GRID2: variants seen among roughly 807,000 people sequenced by gnomAD.
The protein encoded by GRID2 is glutamate ionotropic receptor delta type subunit 2.
GRID2 carries 33 observed loss-of-function variants against 114.8 expected under a neutral mutation model. The observed-to-expected ratio is 0.29, with a 90% CI of 0.22 to 0.38. The LOEUF is 0.38. GRID2 is among the 10% of genes least tolerant of loss of function. The probability of loss-of-function intolerance (pLI) is 1.00; values close to 1 mark genes in which losing one functional copy is unlikely to be tolerated. For synonymous variants in GRID2, 505 were observed against 449.9 expected (o/e 1.12, Z -1.55); for missense variants, 1,184 against 1,257.7 (o/e 0.94, Z 0.89).
chr4:92,791,039 A>C (rs1739562147), intron 2 of GRID2, among the ~76,000 whole-genome samples: 2 of 151,842 alleles, frequency 1.3e-5, no homozygotes, highest in Admixed American at 1.3e-4. Context: ...TGTGAGAATG[A>C]ATATTTGTTA....
chr4:93,799,731 G>A (rs1734885276), intron 1 of GRID2, among the ~76,000 whole-genome samples: 1 of 152,026 alleles, frequency 6.6e-6, no homozygotes. Context: ...TATATCCTTT[G>A]TTTCTTTATG....
At chr4:93,158,592 C>T (rs1015460179) in intron 4 of GRID2, among the ~76,000 whole-genome samples, 3 of 151,686 alleles carry the variant, frequency 2.0e-5, no homozygotes, top group Admixed American at 6.6e-5. Context: ...TTCTGAACTT[C>T]TACTCCTTTG....
At chr4:92,678,755 G>A (rs2149282411) in intron 2 of GRID2, among the ~76,000 whole-genome samples, 1 of 151,906 alleles carries the variant, frequency 6.6e-6, no homozygotes, top group Non-Finnish European at 1.5e-5. Context: ...TGAAACGTTT[G>A]CTATGTATCG....
chr4:92,753,686 A>G (rs933159221), intron 2 of GRID2, among the ~76,000 whole-genome samples: 2 of 152,104 alleles, frequency 1.3e-5, no homozygotes, highest in Admixed American at 6.6e-5. Flanking sequence ...TGGCAACTAA[A>G]ATGAGTAATG....
At chr4:93,528,019 A>C (rs1277188796) in intron 13 of GRID2, among the ~76,000 whole-genome samples, 2 of 152,092 alleles carry the variant, frequency 1.3e-5, no homozygotes, top group African/African-American at 4.8e-5. Flanking sequence ...GTTCATCTAC[A>C]TTGCAGCATG....
At chr4:93,228,649 C>T (rs1181424458) in intron 7 of GRID2, among the ~76,000 whole-genome samples, 3 of 152,132 alleles carry the variant, frequency 2.0e-5, no homozygotes, top group Non-Finnish European at 2.9e-5. Context: ...CAAGGTGTTG[C>T]CAAAATCTTC....
chr4:92,439,398 C>T (rs1396114135), intron 1 of GRID2, among the ~76,000 whole-genome samples: 6 of 151,976 alleles, frequency 3.9e-5, no homozygotes, highest in African/African-American at 4.8e-5. Flanking sequence ...GGCTCAGAGG[C>T]CTGACATTCC....
intron 2 of GRID2, among the ~76,000 whole-genome samples, chr4:92,982,022 T>TAAAAAAAAAAAA (rs1161216679): frequency 6.5e-4 from 52 of 80,106 alleles, no homozygotes; most frequent in African/African-American, 1.0e-3. Flanking sequence ...AAAGTACTGG[T>TAAAAAAAAAAAA]AAAAAAAAAA....
intron 4 of GRID2, among the ~76,000 whole-genome samples, chr4:93,179,739 C>G (rs1739705221): frequency 6.6e-6 from 1 of 151,994 alleles, no homozygotes; most frequent in South Asian, 2.1e-4. Flanking sequence ...ATAACGTAAC[C>G]AAGGTACCAC....
intron 14 of GRID2, among the ~76,000 whole-genome samples, chr4:93,684,268 T>C (rs1578565206): frequency 6.6e-6 from 1 of 152,252 alleles, no homozygotes; most frequent in East Asian, 1.9e-4. Context: ...GAATCAGAAA[T>C]TCTGAATTTC....
intron 9 of GRID2, among the ~76,000 whole-genome samples, chr4:93,400,381 T>C (rs1765758945): frequency 6.6e-6 from 1 of 152,138 alleles, no homozygotes; most frequent in Admixed American, 6.6e-5. Context: ...TCTAATCTCT[T>C]TGTTTCCATA....
intron 2 of GRID2, among the ~76,000 whole-genome samples, chr4:93,074,046 A>G (rs1272477716): frequency 6.6e-6 from 1 of 152,342 alleles, no homozygotes; most frequent in African/African-American, 2.4e-5. Flanking sequence ...CTAAAACCTG[A>G]GGGAGAAAAA....
chr4:93,645,268 G>C (rs1354501378), intron 14 of GRID2, among the ~76,000 whole-genome samples: 5 of 152,168 alleles, frequency 3.3e-5, no homozygotes, highest in African/African-American at 1.2e-4. Context: ...ATTAACAAAA[G>C]AGAAGCCAGA....
chr4:92,313,488 A>G (rs1352246325), intron 1 of GRID2, among the ~76,000 whole-genome samples: 1 of 152,026 alleles, frequency 6.6e-6, no homozygotes, highest in Non-Finnish European at 1.5e-5. Flanking sequence ...AATTAAAAGA[A>G]AGAAAATAAT....
intron 2 of GRID2, among the ~76,000 whole-genome samples, chr4:92,791,938 T>G (rs1055400445): frequency 2.0e-5 from 3 of 151,834 alleles, no homozygotes; most frequent in Non-Finnish European, 4.4e-5. Flanking sequence ...TTGAAAATAG[T>G]GCTGAAAACA....
At chr4:92,625,721 T>C (rs2149242265) in intron 2 of GRID2, among the ~76,000 whole-genome samples, 1 of 152,076 alleles carries the variant, frequency 6.6e-6, no homozygotes, top group Non-Finnish European at 1.5e-5. Flanking sequence ...ATGTAAAGCA[T>C]TTACAACGAT....
chr4:93,000,428 C>T (rs1755471022), intron 2 of GRID2, among the ~76,000 whole-genome samples: 1 of 151,216 alleles, frequency 6.6e-6, no homozygotes, highest in African/African-American at 2.4e-5. Flanking sequence ...TTGTTGCTGC[C>T]CTCTTGCCCT....
intron 2 of GRID2, among the ~76,000 whole-genome samples, chr4:92,805,041 G>A (rs1388391351): frequency 2.0e-5 from 3 of 152,016 alleles, no homozygotes; most frequent in South Asian, 2.1e-4. Context: ...CCTAAGCTTT[G>A]CAAGTATTAA....
intron 13 of GRID2, among the ~76,000 whole-genome samples, chr4:93,588,035 G>A (rs1039940514): frequency 2.0e-5 from 3 of 152,098 alleles, no homozygotes; most frequent in African/African-American, 4.8e-5. Flanking sequence ...AAACAATGCA[G>A]TGGTCTTTCA....
Sources: gnomAD v4.1 joint callset for allele counts (sites outside exome capture counted in the v4.1 genomes callset) on GRCh38, gnomAD v4.1.1 for gene constraint, MANE v1.5 for transcripts, NCBI Gene and HGNC (gene_info 2026-07-23, HGNC 2026-07-21) for gene names.